The following CHRM3 variants were observed in gnomAD, a reference collection of about 807,000 sequenced individuals.
CHRM3 encodes cholinergic receptor muscarinic 3.
A neutral mutation model predicts 41.8 loss-of-function variants in CHRM3; 11 were observed. That is an observed-to-expected ratio of 0.26 (90% CI 0.17 to 0.44). CHRM3 has a LOEUF of 0.44. Among genes scored for constraint, CHRM3 ranks in the 20% least tolerant of loss-of-function variants. The pLI is 1.00. For missense variants in CHRM3, 571 were observed against 745.4 expected, an observed-to-expected ratio of 0.77 and a Z score of 2.72; for synonymous variants, 297 against 301.4, an observed-to-expected ratio of 0.99 and a Z score of 0.15.
chr1:239,743,756 C>CTTCTT (rs1665071139), intron 5 of CHRM3, among the ~76,000 whole-genome samples: 1 of 135,166 alleles, frequency 7.4e-6, no homozygotes, highest in African/African-American at 2.8e-5. Flanking sequence ...CCTCAGTGAT[C>CTTCTT]TTCTTTTTCT....
At chr1:239,424,253 G>C (rs1336611425) in intron 1 of CHRM3, among the ~76,000 whole-genome samples, 1 of 152,060 alleles carries the variant, frequency 6.6e-6, no homozygotes, top group Non-Finnish European at 1.5e-5. Context: ...ATTCCTCAGG[G>C]AGCTGCTAAG....
At chr1:239,528,516 C>T (rs1490452943) in intron 2 of CHRM3, among the ~76,000 whole-genome samples, 2 of 152,184 alleles carry the variant, frequency 1.3e-5, no homozygotes, top group East Asian at 1.9e-4. Context: ...GACTGAACAG[C>T]GTACCTGGTA....
rs566185955 is a variant in CHRM3 at position 239,513,010 on chromosome 1, C to T, written c.-422+20203C>T. Among the ~76,000 whole-genome samples the T allele has an allele frequency of 3.3e-5, 5 of 152,286 alleles. No individual in the cohort carries two copies. In the East Asian group the frequency reaches 9.7e-4, roughly 30 times the overall value. On this transcript the variant is annotated intron_variant, in intron 2 of 6. Transcript: ENST00000676153. Reference sequence around the variant, plus strand: ...TGTTCTCATGCACTACTCCCTGTTTCCTCAGCATTGATAGATGTTTTATTA... The same window carrying T: ...TGTTCTCATGCACTACTCCCTGTTTTCTCAGCATTGATAGATGTTTTATTA...
At chr1:239,810,635 G>A (rs911659031) in intron 5 of CHRM3, among the ~76,000 whole-genome samples, 2 of 152,166 alleles carry the variant, frequency 1.3e-5, no homozygotes, top group Non-Finnish European at 2.9e-5. Flanking sequence ...CCACCATTGA[G>A]GGCCGAGTGA....
intron 6 of CHRM3, among the ~76,000 whole-genome samples, chr1:239,842,085 A>G (rs1673846155): frequency 6.6e-6 from 1 of 152,164 alleles, no homozygotes; most frequent in Non-Finnish European, 1.5e-5. Context: ...TGAAAGATAT[A>G]TTTCTCATCA....
intron 1 of CHRM3, among the ~76,000 whole-genome samples, chr1:239,410,107 G>A (rs1213061439): frequency 6.6e-6 from 1 of 152,134 alleles, no homozygotes; most frequent in Non-Finnish European, 1.5e-5. Flanking sequence ...AAGCATTTTA[G>A]TGTATGGTAT....
At chr1:239,666,853 A>G (rs1673856905) in intron 4 of CHRM3, among the ~76,000 whole-genome samples, 1 of 152,066 alleles carries the variant, frequency 6.6e-6, no homozygotes. Context: ...CCCAGTGTTT[A>G]CTGTTGTCAT....
chr1:239,597,946 A>C (rs763342770), intron 3 of CHRM3, among the ~76,000 whole-genome samples: 20 of 146,864 alleles, frequency 1.4e-4, no homozygotes, highest in Non-Finnish European at 2.7e-4. Context: ...GTTCAGTGGC[A>C]TTGTCTGGGG....
In CHRM3 at chr1:239,390,684, C is replaced by T. The variant is rs549981310; in HGVS notation, c.-521+3457C>T. Among the ~76,000 whole-genome samples the T allele has an allele frequency of 3.3e-5, 5 of 151,684 alleles. No individual in the cohort carries two copies. In the South Asian group the frequency reaches 6.3e-4, roughly 19 times the overall value. ...CATGATCTTGACTCACTGCAACCTC[C>T]GCCTCCCAGGTTCAAGCAATTCTCT... is the stretch of plus-strand genomic sequence containing the variant. On this transcript the variant is annotated intron_variant, in intron 1 of 6. Coordinates refer to ENST00000676153, the MANE Select transcript of CHRM3 (RefSeq NM_001375978.1).
At chr1:239,630,366 C>A (rs1029114307) in intron 3 of CHRM3, among the ~76,000 whole-genome samples, 1 of 152,128 alleles carries the variant, frequency 6.6e-6, no homozygotes, top group Non-Finnish European at 1.5e-5. Context: ...ATGATAAAAT[C>A]TACTGTAAAT....
intron 1 of CHRM3, among the ~76,000 whole-genome samples, chr1:239,492,081 G>A (rs564973181): frequency 1.1e-4 from 17 of 152,304 alleles, no homozygotes; most frequent in African/African-American, 4.1e-4. Flanking sequence ...AGGATATCAA[G>A]ATGTCAAATA....
At chr1:239,589,161 T>C (rs1024278594) in intron 3 of CHRM3, among the ~76,000 whole-genome samples, 4 of 152,082 alleles carry the variant, frequency 2.6e-5, no homozygotes, top group African/African-American at 7.2e-5. Context: ...CTCCAGCTCC[T>C]GACCTCAAGT....
Position 239,389,665 on chromosome 1 carries a change from G to A in CHRM3, c.-521+2438G>A, listed in dbSNP as rs114099378. On this transcript the variant is annotated intron_variant, in intron 1 of 6. Coordinates refer to ENST00000676153, the MANE Select transcript of CHRM3 (RefSeq NM_001375978.1). ...AAATTGAATAGACAGAAAGTTAAAC[G>A]ATATGGTTAAAAGCAAAGTTGCCTT... Among the ~76,000 whole-genome samples the A allele has an allele frequency of 6.6e-3, 1,004 of 152,272 alleles. 10 individuals carry two copies. Among genetic ancestry groups the A allele is most frequent in the African/African-American group, 0.023 (970 of 41,548 alleles).
At chr1:239,671,117 T>C (rs533519645) in intron 4 of CHRM3, among the ~76,000 whole-genome samples, 1 of 152,320 alleles carries the variant, frequency 6.6e-6, no homozygotes, top group Non-Finnish European at 1.5e-5. Context: ...TAGTATCTTA[T>C]TGTGGCTTTC....
At chr1:239,691,370 T>A (rs1558458925) in intron 5 of CHRM3, among the ~76,000 whole-genome samples, 1 of 152,066 alleles carries the variant, frequency 6.6e-6, no homozygotes. Context: ...TCAAAGAATT[T>A]TACCTCACTC....
intron 1 of CHRM3, among the ~76,000 whole-genome samples, chr1:239,438,446 G>A (rs556025598): frequency 6.6e-6 from 1 of 152,272 alleles, no homozygotes; most frequent in South Asian, 2.1e-4. Context: ...TAGGATGTGG[G>A]CATATGCCCA....
intron 6 of CHRM3, among the ~76,000 whole-genome samples, chr1:239,847,362 A>G (rs1033750633): frequency 6.6e-6 from 1 of 152,218 alleles, no homozygotes; most frequent in African/African-American, 2.4e-5. Flanking sequence ...AATCTATGCC[A>G]TATCTTAGAA....
intron 6 of CHRM3, among the ~76,000 whole-genome samples, chr1:239,872,315 G>T (rs1416286970): frequency 6.6e-6 from 1 of 152,196 alleles, no homozygotes; most frequent in Non-Finnish European, 1.5e-5. Context: ...ATAAAATGAG[G>T]TGATGAACTT....
At chr1:239,608,277 G>C (rs77044591) in intron 3 of CHRM3, among the ~76,000 whole-genome samples, 1 of 152,082 alleles carries the variant, frequency 6.6e-6, no homozygotes, top group African/African-American at 2.4e-5. Flanking sequence ...GGTAGGTGTA[G>C]GATGCAGCCC....
Sources: allele counts gnomAD v4.1 joint callset (sites outside exome capture counted in the v4.1 genomes callset), GRCh38; gene constraint gnomAD v4.1.1; transcripts MANE v1.5; gene names NCBI Gene and HGNC (gene_info 2026-07-23, HGNC 2026-07-21).